The following SAMM50 variants were observed in gnomAD, a reference collection of about 807,000 sequenced individuals.
SAMM50 encodes the protein SAMM50 sorting and assembly machinery component.
A neutral mutation model predicts 66.9 loss-of-function variants in SAMM50; 47 were observed. That is an observed-to-expected ratio of 0.70 (90% CI 0.56 to 0.90). The LOEUF is 0.90. Ranked by LOEUF, SAMM50 falls within the 40% of genes least tolerant of loss-of-function variation. The pLI is 0.00. For missense variants in SAMM50, 535 were observed against 595.3 expected (o/e 0.90, Z 1.05); for synonymous variants, 191 against 214.1 (o/e 0.89, Z 0.94).
intron 1 of SAMM50, 44 bp downstream of exon 1, chr22:43,955,642 G>T (rs749208129): frequency 1.3e-6 from 2 of 1,558,692 alleles, no homozygotes; most frequent in East Asian, 4.7e-5. Context: ...CTCTGGGCCA[G>T]CAGGGCAGAC....
chr22:43,967,039 A>G (rs2050177219), intron 3 of SAMM50, among the ~76,000 whole-genome samples: 2 of 151,928 alleles, frequency 1.3e-5, no homozygotes, highest in South Asian at 4.2e-4. Flanking sequence ...TTTGGTGACC[A>G]TTTTCCTGGG....
In SAMM50 at chr22:43,972,214, T is replaced by C. The variant is rs372875497; in HGVS notation, c.323-22T>C. 4 of 1,449,296 alleles carry C rather than the reference T, an allele frequency of 2.8e-6. No homozygotes were observed. In the African/African-American group the frequency reaches 5.7e-5, roughly 21 times the overall value. 89.8% of individuals were successfully genotyped at this position (1,449,296 alleles called of 1,614,324 possible). A position where few individuals can be genotyped will look rare whatever the true frequency, so the allele number is the denominator to read the frequency against. ...TAAAATAACATCCTGGCTGTCTTAT[T>C]GTTTAATATTTTTTTATTTAGGTGA... On this transcript the variant is annotated intron_variant, in intron 4 of 14. Transcript: ENST00000350028.
At position 43,977,866 on chromosome 22, in the gene SAMM50, C is replaced by T. The variant is rs770398475; in HGVS notation, c.850-6C>T. On this transcript the variant is annotated splice_region_variant and splice_polypyrimidine_tract_variant and intron_variant, in intron 9 of 14. Coordinates refer to ENST00000350028, the MANE Select transcript of SAMM50 (RefSeq NM_015380.5). Reference sequence around the variant, plus strand: ...TCCCTTTGACCTGAGTGCTCCTTCCCTGCAGGAACTGGCAGGCTACACTGG... The same window carrying T: ...TCCCTTTGACCTGAGTGCTCCTTCCTTGCAGGAACTGGCAGGCTACACTGG... 1 of 1,611,794 alleles carries T rather than the reference C, an allele frequency of 6.2e-7. No homozygotes were observed. The highest frequency in any genetic ancestry group is 1.1e-5 in the South Asian group (1 of 90,904).
At chr22:43,971,090 C>A (rs1176987840) in intron 4 of SAMM50, among the ~76,000 whole-genome samples, 1 of 152,146 alleles carries the variant, frequency 6.6e-6, no homozygotes, top group Non-Finnish European at 1.5e-5. Context: ...ATTGCTTGAA[C>A]CCGGGAGGTG....
intron 6 of SAMM50, 111 bp from the exon 7 acceptor site, chr22:43,973,125 T>C: frequency 7.2e-7 from 1 of 1,390,902 alleles, no homozygotes; most frequent in Non-Finnish European, 1.0e-6. Context: ...ATGCTGTAGA[T>C]TTCCTCTTGA....
At chr22:43,978,770 C>A (rs565538131) in intron 10 of SAMM50, among the ~76,000 whole-genome samples, 1 of 152,140 alleles carries the variant, frequency 6.6e-6, no homozygotes, top group Non-Finnish European at 1.5e-5. Flanking sequence ...ATATTTCTCA[C>A]GTCTTCCCAG....
chr22:43,976,301 C>T (rs2050231614), intron 8 of SAMM50, 118 bp downstream of exon 8: 2 of 1,251,922 alleles, frequency 1.6e-6, no homozygotes, highest in Non-Finnish European at 2.2e-6. Flanking sequence ...GATGGGGTGT[C>T]CACAGTGGCG....
chr22:43,963,378 A>G lies in SAMM50; in HGVS notation c.114A>G (p.Glu38=). The change falls in exon 2 of 15, where the codon GAA becomes GAG. Residue 38 remains glutamate, a synonymous_variant. Coordinates refer to ENST00000350028, the MANE Select transcript of SAMM50 (RefSeq NM_015380.5). ...AAGTTGAGCCTGAAGCTAAACAGGA[A>G]ATTCTTGAAAACAAAGATGTGAGTT... ...FVEVEPEAKQ[E]ILENKDVVVQ... 6.2e-7 allele frequency: 1 copy of G among 1,609,044 alleles called. No individual in the cohort carries two copies. Among genetic ancestry groups the G allele is most frequent in the Non-Finnish European group, 8.5e-7 (1 of 1,177,434 alleles).
intron 10 of SAMM50, among the ~76,000 whole-genome samples, chr22:43,978,776 C>G (rs1002247067): frequency 3.9e-5 from 6 of 152,166 alleles, no homozygotes; most frequent in African/African-American, 1.4e-4. Flanking sequence ...CTCACGTCTT[C>G]CCAGCACCCA....
At chr22:43,958,987 A>G (rs1470931037) in intron 1 of SAMM50, among the ~76,000 whole-genome samples, 1 of 146,750 alleles carries the variant, frequency 6.8e-6, no homozygotes, top group Non-Finnish European at 1.5e-5. Context: ...AATACTTAAT[A>G]TGTGTTATGT....
chr22:43,968,660 G>T lies in SAMM50; in HGVS notation c.235-71G>T, dbSNP rs1412493222. 4 of 1,064,778 alleles carry T rather than the reference G, an allele frequency of 3.8e-6. No homozygotes were observed. In the African/African-American group the frequency reaches 4.7e-5, roughly 12 times the overall value. The allele number at this position is 1,064,778 out of a possible 1,614,324, so 66.0% of individuals were successfully genotyped here. A position where few individuals can be genotyped will look rare whatever the true frequency, so the allele number is the denominator to read the frequency against. ...CGAATGGTAAACTACCAGCCTCGCCGTGTGGCTGCCATTTGCTGTTTCTGT... is the reference window on the plus strand; with the variant it reads ...CGAATGGTAAACTACCAGCCTCGCCTTGTGGCTGCCATTTGCTGTTTCTGT... On this transcript the variant is annotated intron_variant, in intron 3 of 14. Transcript: ENST00000350028.
chr22:43,978,032 C>A (rs964241395), intron 10 of SAMM50, 74 bp downstream of exon 10: 1 of 968,082 alleles, frequency 1.0e-6, no homozygotes, highest in Admixed American at 2.0e-5. Flanking sequence ...AATCTTAGCT[C>A]CTGAATATCT....
At position 43,972,867 on chromosome 22, in the gene SAMM50, C is replaced by G; in HGVS notation, c.430-4C>G. 1.3e-6 allele frequency: 2 copies of G among 1,585,006 alleles called. No homozygotes were observed. ...ACTGCTATTTTTTTTTTTTCCCCTC[C>G]TAGGTACTTGGCCTCAAGCTTCCTA... is the stretch of plus-strand genomic sequence containing the variant. On this transcript the variant is annotated splice_region_variant and splice_polypyrimidine_tract_variant and intron_variant, in intron 5 of 14. Coordinates refer to ENST00000350028, the MANE Select transcript of SAMM50 (RefSeq NM_015380.5).
intron 3 of SAMM50, among the ~76,000 whole-genome samples, chr22:43,967,160 T>G (rs1023989181): frequency 6.6e-6 from 1 of 152,212 alleles, no homozygotes. Flanking sequence ...CTGGGTCATC[T>G]CATCCACATC....
At chr22:43,962,256 A>G (rs1306728083) in intron 1 of SAMM50, among the ~76,000 whole-genome samples, 1 of 152,224 alleles carries the variant, frequency 6.6e-6, no homozygotes, top group Non-Finnish European at 1.5e-5. Flanking sequence ...TGAGTACTGT[A>G]AGTGAAAATC....
chr22:43,986,910 A>G (rs528086760), intron 12 of SAMM50: 1 of 152,290 alleles, frequency 6.6e-6, no homozygotes, highest in East Asian at 1.9e-4. Flanking sequence ...ATAAGCAACA[A>G]CTACACTCTG....
At position 43,990,180 on chromosome 22, in the gene SAMM50, G is replaced by A. The variant is rs994362109; in HGVS notation, c.1223-85G>A. On this transcript the variant is annotated intron_variant, in intron 13 of 14. Coordinates refer to ENST00000350028, the MANE Select transcript of SAMM50 (RefSeq NM_015380.5). The stretch of plus-strand genomic sequence containing the variant: ...TAAAAACAACTGCAGGGCCCAGCCA[G>A]GGGGAGCCAGGGCTTGTCTGGGAGA... The A allele has an allele frequency of 7.8e-6, 12 of 1,532,400 alleles. No homozygotes were observed. In the African/African-American group the frequency reaches 1.2e-4, roughly 16 times the overall value. 94.9% of individuals were successfully genotyped at this position (1,532,400 alleles called of 1,614,324 possible). A position where few individuals can be genotyped will look rare whatever the true frequency, so the allele number is the denominator to read the frequency against.
At chr22:43,958,047 C>T (rs965691046) in intron 1 of SAMM50, among the ~76,000 whole-genome samples, 2 of 152,224 alleles carry the variant, frequency 1.3e-5, no homozygotes, top group African/African-American at 4.8e-5. Context: ...GTCACCACGC[C>T]TGGCCTTTGT....
intron 12 of SAMM50, 33 bp from the exon 13 acceptor site, chr22:43,989,078 C>A (rs756260705): frequency 6.3e-7 from 1 of 1,592,766 alleles, no homozygotes; most frequent in African/African-American, 1.4e-5. Context: ...CTTGTCGGAC[C>A]TTGTTTTTGT....
Sources: allele counts gnomAD v4.1 joint callset (sites outside exome capture counted in the v4.1 genomes callset), GRCh38; gene constraint gnomAD v4.1.1; transcripts MANE v1.5; gene names NCBI Gene and HGNC (gene_info 2026-07-23, HGNC 2026-07-21).